The following SEMA6D variants were observed in gnomAD, a reference collection of about 807,000 sequenced individuals.
The protein encoded by SEMA6D is semaphorin-6D.
In SEMA6D, 35 loss-of-function variants were observed where a neutral mutation model predicts 106.6. That is an observed-to-expected ratio of 0.33 (90% CI 0.25 to 0.44). The LOEUF is 0.44. Among genes scored for constraint, SEMA6D ranks in the 20% least tolerant of loss-of-function variants. SEMA6D has a pLI of 1.00. For synonymous variants in SEMA6D, 499 were observed against 487.7 expected (o/e 1.02, Z -0.31); for missense variants, 1,185 against 1,345.9 (o/e 0.88, Z 1.87).
rs536436287 is a variant in SEMA6D, at chr15:47,302,615, AAG to A, written c.-238-109773_-238-109772del. On this transcript the variant is annotated intron_variant, in intron 1 of 19. Transcript: ENST00000558014. The stretch of plus-strand genomic sequence containing the variant: ...TTTTACCAGCAGAGAAGGGAAAGGG[AAG>A]AGAGTCACCAGTGAGAGAAGGGGAT... Among the ~76,000 whole-genome samples, 693 of 152,242 alleles carry A rather than the reference AAG, an allele frequency of 4.6e-3. 3 individuals are homozygous for A. Among genetic ancestry groups the A allele is most frequent in the Admixed American group, 8.3e-3 (127 of 15,290 alleles).
Position 47,503,689 on chromosome 15 carries a change from T to TCACACACACACACACACA in SEMA6D, c.-87+33155_-87+33172dup, listed in dbSNP as rs142397320. The stretch of plus-strand genomic sequence containing the variant: ...TGCAGGGGTGCTCTCTCTCTCTCTG[T>TCACACACACACACACACA]CACACACACACACACACACACACAC... On this transcript the variant is annotated intron_variant, in intron 3 of 19. Coordinates refer to the SEMA6D transcript ENST00000558014. Among the ~76,000 whole-genome samples, 476 of 148,684 alleles carry TCACACACACACACACACA rather than the reference T, an allele frequency of 3.2e-3. 1 individual carries two copies. The highest frequency in any genetic ancestry group is 0.011 in the Admixed American group (158 of 14,972).
chr15:47,410,997 G>T, intron 1 of SEMA6D, among the ~76,000 whole-genome samples: 1 of 151,292 alleles, frequency 6.6e-6, no homozygotes. Context: ...GAGATGAGTG[G>T]CTGTGGCCTG....
intron 3 of SEMA6D, among the ~76,000 whole-genome samples, chr15:47,472,146 C>A (rs757552945): frequency 1.3e-5 from 2 of 152,114 alleles, no homozygotes; most frequent in Non-Finnish European, 2.9e-5. Flanking sequence ...AAGTTTGAGA[C>A]CATATTACCT....
chr15:47,611,648 A>G (rs1166947061), intron 4 of SEMA6D, among the ~76,000 whole-genome samples: 2 of 152,222 alleles, frequency 1.3e-5, no homozygotes, highest in Non-Finnish European at 2.9e-5. Flanking sequence ...GGCCTTGTAT[A>G]GAAACGTAAA....
intron 2 of SEMA6D, among the ~76,000 whole-genome samples, chr15:47,431,766 GC>G (rs1185121914): frequency 5.9e-5 from 9 of 152,070 alleles, no homozygotes; most frequent in African/African-American, 1.9e-4. Context: ...CGAAAGAAAT[GC>G]ACAGTTTAGA....
chr15:47,534,103 A>C (rs1473509381), intron 3 of SEMA6D, among the ~76,000 whole-genome samples: 1 of 152,126 alleles, frequency 6.6e-6, no homozygotes, highest in Non-Finnish European at 1.5e-5. Context: ...ACCTGGAAGG[A>C]AAGAAGGACA....
intron 1 of SEMA6D, among the ~76,000 whole-genome samples, chr15:47,333,285 T>C (rs2037416640): frequency 6.6e-6 from 1 of 152,178 alleles, no homozygotes; most frequent in African/African-American, 2.4e-5. Flanking sequence ...GTGCACATTG[T>C]TGTGAAGTGT....
chr15:47,770,401 C>T (rs1387911289), intron 18 of SEMA6D, 96 bp from the exon 19 acceptor site: 5 of 1,016,934 alleles, frequency 4.9e-6, no homozygotes, highest in African/African-American at 3.2e-5. Context: ...GCATATGAAC[C>T]ATATGAAGGT....
At chr15:47,637,122 ATCT>A (rs1404977760) in intron 4 of SEMA6D, among the ~76,000 whole-genome samples, 1 of 152,208 alleles carries the variant, frequency 6.6e-6, no homozygotes, top group Non-Finnish European at 1.5e-5. Context: ...ATTTTTGTAC[ATCT>A]TCTCAGCAAA....
At chr15:47,766,749 A>G (rs2082363202) in intron 16 of SEMA6D, 72 bp downstream of exon 16, 8 of 1,074,406 alleles carry the variant, frequency 7.4e-6, no homozygotes, top group Admixed American at 1.9e-5. Flanking sequence ...TTATTTTACA[A>G]TCAGTCTTTT....
intron 3 of SEMA6D, among the ~76,000 whole-genome samples, chr15:47,493,551 A>C (rs187433405): frequency 1.8e-3 from 275 of 152,318 alleles, no homozygotes; most frequent in African/African-American, 6.4e-3. Flanking sequence ...AGAATCAGTC[A>C]GTACACTGAA....
chr15:47,600,031 G>A (rs1177227787), intron 3 of SEMA6D, among the ~76,000 whole-genome samples: 2 of 152,054 alleles, frequency 1.3e-5, no homozygotes, highest in African/African-American at 4.8e-5. Context: ...AAATCCTGGA[G>A]TATCGGTCAA....
At chr15:47,341,831 GTCAGTT>G (rs2037825025) in intron 1 of SEMA6D, among the ~76,000 whole-genome samples, 1 of 152,022 alleles carries the variant, frequency 6.6e-6, no homozygotes, top group South Asian at 2.1e-4. Flanking sequence ...TTCTGGGAAG[GTCAGTT>G]TCCCCAATAG....
At chr15:47,633,914 G>A (rs1294496820) in intron 4 of SEMA6D, among the ~76,000 whole-genome samples, 1 of 152,046 alleles carries the variant, frequency 6.6e-6, no homozygotes, top group African/African-American at 2.4e-5. Context: ...CTACTACTGA[G>A]CCAATCCAGG....
At position 47,771,429 on chromosome 15, in the gene SEMA6D, A is replaced by C. The variant is rs1204206694; in HGVS notation, c.2866A>C (p.Thr956Pro). Residue 956 changes from threonine to proline, a missense_variant, in exon 19 of 19, where the codon ACT becomes CCT. Physicochemically the swap from Thr to Pro is conservative, Grantham distance 38 (BLOSUM62 -1). Transcript: ENST00000536845. The stretch of plus-strand genomic sequence containing the variant: ...CCCCACCACTCCTGGAGTCCCAATG[A>C]CTTCTCTGGAAAGACAAAGAGGTTA... ...DVPTTPGVPM[T>P]SLERQRGYHK... 6.2e-7 allele frequency: 1 copy of C among 1,614,044 alleles called. No homozygotes were observed.
chr15:47,757,115 G>T (rs930470673), intron 1 of SEMA6D, among the ~76,000 whole-genome samples: 9 of 152,114 alleles, frequency 5.9e-5, no homozygotes, highest in African/African-American at 2.2e-4. Flanking sequence ...CAGCCCCAGT[G>T]CTGGGATCAC....
intron 1 of SEMA6D, among the ~76,000 whole-genome samples, chr15:47,337,518 A>T (rs1385375840): frequency 6.6e-6 from 1 of 152,214 alleles, no homozygotes; most frequent in Admixed American, 6.5e-5. Flanking sequence ...GCTATTTAAA[A>T]AAAACAGAAT....
intron 3 of SEMA6D, among the ~76,000 whole-genome samples, chr15:47,492,321 T>C (rs1015387174): frequency 1.3e-5 from 2 of 152,170 alleles, no homozygotes; most frequent in Non-Finnish European, 2.9e-5. Context: ...TATGGAAATA[T>C]AGAGTTGTCT....
chr15:47,530,755 A>C (rs947763022), intron 3 of SEMA6D, among the ~76,000 whole-genome samples: 1 of 151,354 alleles, frequency 6.6e-6, no homozygotes, highest in African/African-American at 2.4e-5. Flanking sequence ...CGAAGCCATG[A>C]TGAAGGGTGG....
Sources: gnomAD v4.1 joint callset for allele counts (sites outside exome capture counted in the v4.1 genomes callset) on GRCh38, gnomAD v4.1.1 for gene constraint, MANE v1.5 for transcripts, NCBI Gene and HGNC (gene_info 2026-07-23, HGNC 2026-07-21) for gene names.